FMN1: variants seen among roughly 807,000 people sequenced by gnomAD.
FMN1 encodes the protein formin-1.
A neutral mutation model predicts 132.4 loss-of-function variants in FMN1; 110 were observed. That is an observed-to-expected ratio of 0.83 (90% CI 0.71 to 0.97). FMN1 has a LOEUF of 0.97. FMN1 is among the 50% of genes least tolerant of loss of function. FMN1 has a pLI of 0.00. For synonymous variants in FMN1, 722 were observed against 651.7 expected, an observed-to-expected ratio of 1.11 and a Z score of -1.64; for missense variants, 1,792 against 1,705.3, an observed-to-expected ratio of 1.05 and a Z score of -0.90.
chr15:33,182,620 G>A (rs944546563), intron 2 of FMN1, among the ~76,000 whole-genome samples: 5 of 152,202 alleles, frequency 3.3e-5, no homozygotes, highest in African/African-American at 1.2e-4. Context: ...GGAAGGAAGT[G>A]TTAGGAGTTA....
At position 32,969,037 on chromosome 15, in the gene FMN1, C is replaced by G. The variant is rs2031528185; in HGVS notation, c.2664G>C (p.Leu888Phe). The change falls in exon 8 of 21, where the codon TTG becomes TTC. Residue 888 changes from leucine to phenylalanine, a missense_variant. By Grantham distance (22) the Leu-to-Phe change is conservative. Coordinates refer to ENST00000616417, the MANE Select transcript of FMN1 (RefSeq NM_001277313.2). ...PPPLPSGLGS[L>F]SPAPPMPPVS... ...CAGGTGGCATTGGAGGTGCGGGAGA[C>G]AAAGATCCAAGTCCTGAGGGGAGGG... The G allele has an allele frequency of 2.9e-6, 4 of 1,370,474 alleles. No homozygotes were observed. Among genetic ancestry groups the G allele is most frequent in the Non-Finnish European group, 3.9e-6 (4 of 1,024,758 alleles). 84.9% of individuals were successfully genotyped at this position (1,370,474 alleles called of 1,614,324 possible).
At chr15:33,042,778 C>CTT (rs5811727) in intron 6 of FMN1, among the ~76,000 whole-genome samples, 14,267 of 149,506 alleles carry the variant, frequency 0.095, 1,408 homozygotes, top group African/African-American at 0.25. Context: ...AACCCCCCAA[C>CTT]TTTTTTTTTT....
intron 6 of FMN1, among the ~76,000 whole-genome samples, chr15:33,057,992 T>C (rs941177203): frequency 2.0e-5 from 3 of 151,628 alleles, no homozygotes; most frequent in Non-Finnish European, 4.4e-5. Context: ...ATGATGGGGC[T>C]GGTGGTGGAA....
At chr15:33,087,315 G>A (rs573286000) in intron 5 of FMN1, among the ~76,000 whole-genome samples, 20 of 152,316 alleles carry the variant, frequency 1.3e-4, no homozygotes, top group African/African-American at 1.9e-4. Flanking sequence ...GGAGGCTGAG[G>A]CAGGGAACAT....
At chr15:33,096,011 AAAG>A (rs1161417621) in intron 4 of FMN1, among the ~76,000 whole-genome samples, 3 of 152,238 alleles carry the variant, frequency 2.0e-5, no homozygotes, top group Admixed American at 6.5e-5. Flanking sequence ...AAAAAAAAAA[AAAG>A]AAGGCACATT....
intron 5 of FMN1, among the ~76,000 whole-genome samples, chr15:33,082,826 T>G (rs752592812): frequency 4.6e-5 from 7 of 151,580 alleles, no homozygotes; most frequent in Non-Finnish European, 8.8e-5. Flanking sequence ...TATCTAGGAG[T>G]GATAGAGTTA....
At chr15:33,042,529 C>T (rs145675525) in intron 6 of FMN1, among the ~76,000 whole-genome samples, 1 of 152,106 alleles carries the variant, frequency 6.6e-6, no homozygotes, top group Non-Finnish European at 1.5e-5. Context: ...AGATTTGGCA[C>T]AATGTTTAGA....
chr15:32,827,572 C>T (rs372687829), intron 17 of FMN1, among the ~76,000 whole-genome samples: 20 of 152,194 alleles, frequency 1.3e-4, no homozygotes, highest in Admixed American at 5.9e-4. Flanking sequence ...ACATACAGGC[C>T]GGACGCGGTG....
At chr15:32,809,295 T>C (rs1002564611) in intron 17 of FMN1, among the ~76,000 whole-genome samples, 7 of 152,212 alleles carry the variant, frequency 4.6e-5, no homozygotes, top group African/African-American at 1.7e-4. Context: ...CTCTAGGCTC[T>C]ATATGGTGAC....
chr15:32,991,751 A>T (rs1596414165), intron 7 of FMN1, among the ~76,000 whole-genome samples: 1 of 152,314 alleles, frequency 6.6e-6, no homozygotes, highest in East Asian at 1.9e-4. Context: ...GCACAGTTAG[A>T]AGAACCAAAA....
intron 5 of FMN1, among the ~76,000 whole-genome samples, chr15:33,073,703 C>T (rs1357269241): frequency 2.0e-5 from 3 of 149,992 alleles, no homozygotes; most frequent in Non-Finnish European, 3.0e-5. Flanking sequence ...TGAATGGGAC[C>T]TTAGAAATAG....
chr15:32,968,243 C>T (rs2031430648), intron 8 of FMN1, among the ~76,000 whole-genome samples: 1 of 152,144 alleles, frequency 6.6e-6, no homozygotes, highest in South Asian at 2.1e-4. Flanking sequence ...ATGTCTCATT[C>T]TTTTAATAAA....
At chr15:33,121,135 A>G (rs1962512877) in intron 4 of FMN1, among the ~76,000 whole-genome samples, 1 of 152,192 alleles carries the variant, frequency 6.6e-6, no homozygotes, top group Non-Finnish European at 1.5e-5. Flanking sequence ...CCCATCTATG[A>G]TTTACAGTCT....
intron 4 of FMN1, among the ~76,000 whole-genome samples, chr15:33,115,554 T>TA (rs2039891980): frequency 6.8e-6 from 1 of 146,328 alleles, no homozygotes; most frequent in Non-Finnish European, 1.5e-5. Context: ...CTCCCTCACA[T>TA]ACACCCTCCC....
intron 19 of FMN1, among the ~76,000 whole-genome samples, chr15:32,789,726 C>A (rs2057004345): frequency 6.6e-6 from 1 of 152,162 alleles, no homozygotes; most frequent in Admixed American, 6.6e-5. Context: ...AGAGCAATTT[C>A]CAATCCTGCA....
At chr15:32,798,725 T>C (rs546414940) in intron 19 of FMN1, 79 bp downstream of exon 19, 249 of 1,261,290 alleles carry the variant, frequency 2.0e-4, no homozygotes, top group African/African-American at 6.4e-4. Flanking sequence ...AGGTGTGAAA[T>C]AGACACACTT....
chr15:32,972,150 T>C (rs1039373951), intron 7 of FMN1, among the ~76,000 whole-genome samples: 1 of 152,194 alleles, frequency 6.6e-6, no homozygotes, highest in Admixed American at 6.5e-5. Flanking sequence ...TAGTAAGTGC[T>C]ATTTCAGTTT....
At chr15:32,873,302 T>A (rs1392106235) in intron 16 of FMN1, among the ~76,000 whole-genome samples, 1 of 152,186 alleles carries the variant, frequency 6.6e-6, no homozygotes, top group African/African-American at 2.4e-5. Context: ...AGGATGTGTT[T>A]GAAAATAGAG....
At chr15:32,964,078 A>T (rs1750875457) in intron 9 of FMN1, 29 bp downstream of exon 9, 1 of 1,551,604 alleles carries the variant, frequency 6.4e-7, no homozygotes, top group African/African-American at 1.4e-5. Flanking sequence ...ATAATATATA[A>T]TTACAGCTTT....
Sources: allele counts gnomAD v4.1 joint callset (sites outside exome capture counted in the v4.1 genomes callset), GRCh38; gene constraint gnomAD v4.1.1; transcripts MANE v1.5; gene names NCBI Gene and HGNC (gene_info 2026-07-23, HGNC 2026-07-21).